DHX40: variants seen among roughly 807,000 people sequenced by gnomAD.
DHX40 encodes DEAH-box helicase 40, also known as probable ATP-dependent RNA helicase DHX40.
In DHX40, 28 loss-of-function variants were observed where a neutral mutation model predicts 89.6. That is an observed-to-expected ratio of 0.31 (90% confidence interval 0.23 to 0.43). The LOEUF is 0.43. Among genes scored for constraint, DHX40 ranks in the 20% least tolerant of loss-of-function variants. The pLI is 1.00. For missense variants in DHX40, 457 were observed against 844.0 expected (o/e 0.54, Z 5.68); for synonymous variants, 226 against 283.6 (o/e 0.80, Z 2.04).
At chr17:59,570,021 G>T (rs765558926) in intron 2 of DHX40, among the ~76,000 whole-genome samples, 93 of 138,776 alleles carry the variant, frequency 6.7e-4, no homozygotes, top group Non-Finnish European at 1.2e-3. Context: ...TACAGCCTAG[G>T]CAACAAGAGC....
At chr17:59,594,638 T>G (rs1363227909) in intron 12 of DHX40, among the ~76,000 whole-genome samples, 1 of 150,444 alleles carries the variant, frequency 6.6e-6, no homozygotes, top group Non-Finnish European at 1.5e-5. Flanking sequence ...AAACTGGGAG[T>G]AGTGGGAACT....
At position 59,605,527 on chromosome 17, in the gene DHX40, T is replaced by A; in HGVS notation, c.2053T>A (p.Cys685Ser). The change falls in exon 17 of 18, where the codon TGC becomes AGC. Residue 685 changes from cysteine to serine, a missense_variant. This residue lies in a region of DHX40 where 120 missense variants were observed against 161.7 expected (regional missense o/e 0.74). Transcript: ENST00000251241. ...VTTKVYARIVCPIRYEWVRDL... is the reference protein window; with the variant it reads ...VTTKVYARIVSPIRYEWVRDL... ...CACCAAAGTCTACGCAAGAATTGTA[T>A]GCCCAATCCGTTATGAATGGGTAAG... is the stretch of plus-strand genomic sequence containing the variant. 1 of 1,614,226 alleles carries A rather than the reference T, an allele frequency of 6.2e-7. No individual in the cohort carries two copies. The highest frequency in any genetic ancestry group is 8.5e-7 in the Non-Finnish European group (1 of 1,180,036).
intron 12 of DHX40, among the ~76,000 whole-genome samples, chr17:59,590,017 T>TA (rs1452345111): frequency 1.3e-5 from 2 of 151,820 alleles, no homozygotes; most frequent in Non-Finnish European, 2.9e-5. Context: ...AGCCCGGCGT[T>TA]AATTTCCTTT....
At chr17:59,574,467 G>GTATATATAT (rs2048852871) in intron 6 of DHX40, among the ~76,000 whole-genome samples, 1 of 151,260 alleles carries the variant, frequency 6.6e-6, no homozygotes, top group South Asian at 2.1e-4. Flanking sequence ...AAAGACATAT[G>GTATATATAT]TTTATGTCAA....
intron 12 of DHX40, among the ~76,000 whole-genome samples, chr17:59,592,225 A>G (rs2049094381): frequency 6.6e-6 from 1 of 151,934 alleles, no homozygotes; most frequent in Non-Finnish European, 1.5e-5. Context: ...CAGAATCCAT[A>G]TTGAAATTGT....
intron 14 of DHX40, among the ~76,000 whole-genome samples, chr17:59,600,972 C>T (rs1277355958): frequency 1.3e-5 from 2 of 150,570 alleles, no homozygotes; most frequent in African/African-American, 4.9e-5. Context: ...TTTTATCATC[C>T]CATACTATAA....
At chr17:59,601,969 C>A (rs776702053) in intron 14 of DHX40, among the ~76,000 whole-genome samples, 1 of 152,168 alleles carries the variant, frequency 6.6e-6, no homozygotes, top group Non-Finnish European at 1.5e-5. Context: ...CATTACTAGC[C>A]CTGTGAAAAC....
rs1445664156 is a variant in DHX40 at position 59,573,851 on chromosome 17, G to A, written c.658G>A (p.Ala220Thr). 1.9e-6 allele frequency: 3 copies of A among 1,612,904 alleles called. No individual in the cohort carries two copies. Among genetic ancestry groups the A allele is most frequent in the Admixed American group, 1.7e-5 (1 of 59,864 alleles). ...SATMELAKLS[A>T]FFGNCPIFDI... ...AACTATGGAATTAGCCAAGCTCTCT[G>A]CATTCTTTGGAAATTGTCCAATATT... Residue 220 changes from alanine (A) to threonine (T), a missense_variant, in exon 5 of 18, where the codon GCA (alanine) becomes ACA (threonine). Around this residue, in one of 9 missense-constraint regions of DHX40, gnomAD observed 116 missense variants for 188.9 expected, o/e 0.61. Coordinates refer to ENST00000251241, the MANE Select transcript of DHX40 (RefSeq NM_024612.5).
intron 10 of DHX40, 130 bp from the exon 11 acceptor site, chr17:59,586,023 T>A: frequency 1.4e-6 from 1 of 703,958 alleles, no homozygotes; most frequent in Non-Finnish European, 2.4e-6. Context: ...TCATATAATT[T>A]TTTTTTAGAA....
intron 6 of DHX40, 39 bp downstream of exon 6, chr17:59,574,293 G>T (rs1281037847): frequency 2.5e-6 from 1 of 393,848 alleles, no homozygotes; most frequent in Non-Finnish European, 4.5e-6. Flanking sequence ...TTAAGTATTT[G>T]TAAGTAAGGA....
rs1439726592 is a variant in DHX40 at position 59,605,677 on chromosome 17, G to A, written c.2200+3G>A. The A allele has an allele frequency of 5.6e-6, 9 of 1,604,528 alleles. No homozygotes were observed. Among genetic ancestry groups the A allele is most frequent in the Non-Finnish European group, 7.7e-6 (9 of 1,176,086 alleles). ...GGAAAATGTAAAGCAGCTAAAGGGT[G>A]AGTAAATCATTTGTTCTACTCTTAA... is the stretch of plus-strand genomic sequence containing the variant. On this transcript the variant is annotated splice_donor_region_variant and intron_variant, in intron 17 of 17. Coordinates refer to ENST00000251241, the MANE Select transcript of DHX40 (RefSeq NM_024612.5).
chr17:59,569,621 A>T (rs1598133875), intron 2 of DHX40, among the ~76,000 whole-genome samples: 6 of 140,214 alleles, frequency 4.3e-5, no homozygotes, highest in Admixed American at 3.6e-4. Flanking sequence ...AGGAAGTGAA[A>T]GTTGCAGTGA....
rs978686787 is a variant in DHX40, at chr17:59,608,054, T to C, written c.*882T>C. ...CATTTAACTTCCATTATGCCAAACTTGGGATGGGATTTTCGAAGCAGACAA... is the reference window on the plus strand; with the variant it reads ...CATTTAACTTCCATTATGCCAAACTCGGGATGGGATTTTCGAAGCAGACAA... On this transcript the variant is annotated 3_prime_UTR_variant, in exon 18 of 18. Transcript: ENST00000251241. The C allele has an allele frequency of 6.5e-6, 1 of 154,710 alleles. No homozygotes were observed. Among genetic ancestry groups the C allele is most frequent in the Non-Finnish European group, 1.5e-5 (1 of 68,200 alleles). The allele number at this position is 154,710 out of a possible 1,614,324, so 9.6% of individuals were successfully genotyped here. A position where few individuals can be genotyped will look rare whatever the true frequency, so the allele number is the denominator to read the frequency against.
At chr17:59,581,968 A>T (rs1463801753) in intron 10 of DHX40, among the ~76,000 whole-genome samples, 2 of 113,686 alleles carry the variant, frequency 1.8e-5, no homozygotes. Flanking sequence ...AATTATACCA[A>T]TGAAAAGAAG....
chr17:59,604,429 C>T (rs999307909), intron 15 of DHX40: 37 of 152,126 alleles, frequency 2.4e-4, no homozygotes, highest in African/African-American at 8.4e-4. Context: ...TTACATCATT[C>T]TTGATGATAC....
Position 59,586,250 on chromosome 17 carries a change from A to AAATC in DHX40, c.1424+19_1424+20insTCAA. 1 of 1,508,952 alleles carries AAATC rather than the reference A, an allele frequency of 6.6e-7. No individual in the cohort carries two copies. The highest frequency in any genetic ancestry group is 9.0e-7 in the Non-Finnish European group (1 of 1,116,020). 93.5% of individuals were successfully genotyped at this position (1,508,952 alleles called of 1,614,324 possible). On this transcript the variant is annotated intron_variant, in intron 11 of 17. Coordinates refer to ENST00000251241, the MANE Select transcript of DHX40 (RefSeq NM_024612.5). ...TATTGACAGGTAAAAAAAAAAAAAA[A>AAATC]AAATCACAATCAAAACAGATATTGA... is the stretch of plus-strand genomic sequence containing the variant.
At chr17:59,604,241 T>TG (rs2030707999) in intron 15 of DHX40, 1 of 152,150 alleles carries the variant, frequency 6.6e-6, no homozygotes, top group Non-Finnish European at 1.5e-5. Context: ...TTGAGGATGA[T>TG]GGGGTATTAG....
intron 2 of DHX40, among the ~76,000 whole-genome samples, chr17:59,569,593 G>A (rs981510162): frequency 4.0e-5 from 6 of 149,110 alleles, no homozygotes; most frequent in African/African-American, 1.5e-4. Flanking sequence ...GGCTGAGGCA[G>A]GAGAATCGCT....
intron 14 of DHX40, 128 bp from the exon 15 acceptor site, chr17:59,602,394 T>C: frequency 1.3e-6 from 1 of 749,854 alleles, no homozygotes; most frequent in South Asian, 2.6e-5. Context: ...GGTGGAAGGG[T>C]AAATCTGGTC....
Sources: gnomAD v4.1 joint callset for allele counts (sites outside exome capture counted in the v4.1 genomes callset) on GRCh38, gnomAD v4.1.1 for gene constraint, gnomAD v4.1.1 regional missense constraint, MANE v1.5 for transcripts, NCBI Gene and HGNC (gene_info 2026-07-23, HGNC 2026-07-21) for gene names.